The following SH3GLB1 variants were observed in gnomAD, a reference collection of about 807,000 sequenced individuals.
SH3GLB1 encodes SH3 domain containing GRB2 like, endophilin B1.
In SH3GLB1, 17 loss-of-function variants were observed where a neutral mutation model predicts 42.0. The observed-to-expected ratio is 0.40, with a 90% CI of 0.28 to 0.61. The LOEUF (loss-of-function observed/expected upper bound fraction) is 0.61. Among genes scored for constraint, SH3GLB1 ranks in the 20% least tolerant of loss-of-function variants. The probability of loss-of-function intolerance (pLI) is 0.36; values close to 1 mark genes in which losing one functional copy is unlikely to be tolerated. For synonymous variants in SH3GLB1, 132 were observed against 146.6 expected (o/e 0.90, Z 0.72); for missense variants, 355 against 426.3 (o/e 0.83, Z 1.47).
chr1:86,716,110 G>A (rs960935865), intron 2 of SH3GLB1, among the ~76,000 whole-genome samples: 2 of 152,064 alleles, frequency 1.3e-5, no homozygotes, highest in Non-Finnish European at 2.9e-5. Flanking sequence ...TTTAGGCAGT[G>A]ACTTTGAATT....
Position 86,743,294 on chromosome 1 carries a change from T to C in SH3GLB1, c.*59T>C. The C allele has an allele frequency of 1.0e-5, 12 of 1,162,346 alleles. No individual in the cohort carries two copies. In the South Asian group the frequency reaches 2.0e-4, roughly 19 times the overall value. The allele number at this position is 1,162,346 out of a possible 1,614,324, so 72.0% of individuals were successfully genotyped here. A position where few individuals can be genotyped will look rare whatever the true frequency, so the allele number is the denominator to read the frequency against. ...CTTTGTATTTATATACAATTAACTC[T>C]AAATAAAGCAGGTTAAGTATCTTCC... On this transcript the variant is annotated 3_prime_UTR_variant, in exon 9 of 9. Transcript: ENST00000370558.
chr1:86,724,892 A>AAAAAAAATATATATATAT (rs1291454820), intron 5 of SH3GLB1, among the ~76,000 whole-genome samples: 2 of 99,698 alleles, frequency 2.0e-5, no homozygotes, highest in Non-Finnish European at 3.7e-5. Context: ...AAAAAAAAAA[A>AAAAAAAATATATATATAT]ATATATATAT....
intron 1 of SH3GLB1, among the ~76,000 whole-genome samples, 186 bp downstream of exon 1, chr1:86,705,157 T>C (rs1331757676): frequency 6.6e-6 from 1 of 152,072 alleles, no homozygotes; most frequent in African/African-American, 2.4e-5. Context: ...GCCCCGCTCC[T>C]GCCCAACCGC....
At chr1:86,736,978 A>G (rs533684556) in intron 7 of SH3GLB1, among the ~76,000 whole-genome samples, 1 of 152,342 alleles carries the variant, frequency 6.6e-6, no homozygotes, top group Admixed American at 6.5e-5. Context: ...TTGCAATAAC[A>G]GTACCAACAG....
At chr1:86,738,252 GTTTGT>G (rs1553210565) in intron 7 of SH3GLB1, among the ~76,000 whole-genome samples, 62 of 103,196 alleles carry the variant, frequency 6.0e-4, no homozygotes, top group East Asian at 1.7e-3. Flanking sequence ...TTTTTTGTTT[GTTTGT>G]TTTGTTTTGT....
intron 7 of SH3GLB1, 60 bp downstream of exon 7, chr1:86,735,239 T>C: frequency 2.7e-6 from 3 of 1,102,714 alleles, no homozygotes; most frequent in Non-Finnish European, 4.1e-6. Context: ...TATGAACTAA[T>C]ACTAAGGATG....
chr1:86,714,146 C>T (rs181905486), intron 1 of SH3GLB1, among the ~76,000 whole-genome samples: 1 of 152,256 alleles, frequency 6.6e-6, no homozygotes, highest in East Asian at 1.9e-4. Flanking sequence ...AAGGTATTCC[C>T]TTTCTTCCCT....
intron 7 of SH3GLB1, among the ~76,000 whole-genome samples, chr1:86,739,630 G>A (rs1211784816): frequency 3.3e-5 from 5 of 152,152 alleles, no homozygotes; most frequent in Admixed American, 2.0e-4. Flanking sequence ...GGCAGTAGTC[G>A]GAGGAGAAAG....
intron 7 of SH3GLB1, among the ~76,000 whole-genome samples, chr1:86,741,930 G>A (rs959368504): frequency 4.6e-5 from 7 of 151,818 alleles, no homozygotes; most frequent in African/African-American, 1.7e-4. Flanking sequence ...GTTTTTTGGG[G>A]AAAAAAGTAT....
In SH3GLB1 at chr1:86,742,645, A is replaced by G. The variant is rs188194177; in HGVS notation, c.990+209A>G. Reference sequence around the variant, plus strand: ...TAACTGCCAAATAACTTGAAGATGTATAAAACTCCCTCCAATAAGATCCTT... The same window carrying G: ...TAACTGCCAAATAACTTGAAGATGTGTAAAACTCCCTCCAATAAGATCCTT... On this transcript the variant is annotated intron_variant, in intron 8 of 8. Coordinates refer to ENST00000370558, the MANE Select transcript of SH3GLB1 (RefSeq NM_016009.5). Among the ~76,000 whole-genome samples the G allele has an allele frequency of 2.2e-4, 33 of 152,326 alleles. No individual in the cohort carries two copies. In the East Asian group the frequency reaches 5.6e-3, roughly 26 times the overall value.
At chr1:86,727,589 C>T (rs1290607288) in intron 5 of SH3GLB1, among the ~76,000 whole-genome samples, 1 of 152,006 alleles carries the variant, frequency 6.6e-6, no homozygotes, top group African/African-American at 2.4e-5. Flanking sequence ...ATCTGAAACA[C>T]TTCTGGTCCC....
Position 86,743,164 on chromosome 1 carries a change from G to T in SH3GLB1, c.1027G>T (p.Asp343Tyr), listed in dbSNP as rs1358367325. 3.7e-6 allele frequency: 6 copies of T among 1,613,588 alleles called. No individual in the cohort carries two copies. Among genetic ancestry groups the T allele is most frequent in the Non-Finnish European group, 5.1e-6 (6 of 1,179,920 alleles). The part of the protein sequence containing the change: ...TVFSVVGMDS[D>Y]WLMGERGNQK... Reference sequence around the variant, plus strand: ...GTTCAGTGTTGTTGGAATGGATTCAGACTGGCTAATGGGGGAAAGGGGAAA... The same window carrying T: ...GTTCAGTGTTGTTGGAATGGATTCATACTGGCTAATGGGGGAAAGGGGAAA... The change falls in exon 9 of 9, where the codon GAC (aspartate) becomes TAC (tyrosine). Residue 343 changes from aspartate (D) to tyrosine (Y), a missense_variant. By Grantham distance (160) the Asp-to-Tyr change is radical. Transcript: ENST00000370558.
intron 7 of SH3GLB1, among the ~76,000 whole-genome samples, chr1:86,737,282 A>G (rs1655821577): frequency 6.6e-6 from 1 of 152,216 alleles, no homozygotes; most frequent in African/African-American, 2.4e-5. Context: ...AAGTTCTTAG[A>G]AGGTAAAAAT....
At chr1:86,715,948 G>C in intron 2 of SH3GLB1, 83 bp downstream of exon 2, 1 of 1,397,064 alleles carries the variant, frequency 7.2e-7, no homozygotes, top group Non-Finnish European at 9.7e-7. Context: ...ATGGCCATCT[G>C]AAAACATAGG....
rs1656267991 is a variant in SH3GLB1, at chr1:86,745,687, T to G, written c.*2452T>G. The stretch of plus-strand genomic sequence containing the variant: ...TATGCTTGTTCTTAGGTTTATTGCT[T>G]TTTATTTTAATGGGGTTTGGTTGTT... On this transcript the variant is annotated 3_prime_UTR_variant, in exon 9 of 9. Coordinates refer to ENST00000370558, the MANE Select transcript of SH3GLB1 (RefSeq NM_016009.5). The G allele has an allele frequency of 6.6e-6, 1 of 152,214 alleles. No individual in the cohort carries two copies. The highest frequency in any genetic ancestry group is 1.5e-5 in the Non-Finnish European group (1 of 68,038). 9.4% of individuals were successfully genotyped at this position (152,214 alleles called of 1,614,324 possible).
Position 86,722,689 on chromosome 1 carries a change from T to C in SH3GLB1, c.477+16T>C, listed in dbSNP as rs1260664082. On this transcript the variant is annotated intron_variant, in intron 4 of 8. Transcript: ENST00000370558. ...AACAATTGCTGTGAGTTGAAAAATGTCCCCTTTATTTAGTAAAATCATTTA... is the reference window on the plus strand; with the variant it reads ...AACAATTGCTGTGAGTTGAAAAATGCCCCCTTTATTTAGTAAAATCATTTA... 1 of 1,579,240 alleles carries C rather than the reference T, an allele frequency of 6.3e-7. No individual in the cohort carries two copies. Among genetic ancestry groups the C allele is most frequent in the Non-Finnish European group, 8.6e-7 (1 of 1,164,972 alleles).
intron 5 of SH3GLB1, among the ~76,000 whole-genome samples, chr1:86,726,870 T>C (rs1406722991): frequency 2.0e-5 from 3 of 151,962 alleles, no homozygotes; most frequent in Non-Finnish European, 4.4e-5. Context: ...GCTTTTTTTT[T>C]CCTTTCTTTG....
chr1:86,744,176 G>A lies in SH3GLB1; in HGVS notation c.*941G>A, dbSNP rs1162247936. ...ATTGAAAATTTATTAATGAACACAG[G>A]CTATCTTGATGAGGATCTCTGCTTA... On this transcript the variant is annotated 3_prime_UTR_variant, in exon 9 of 9. Transcript: ENST00000370558. 1.3e-5 allele frequency: 2 copies of A among 152,184 alleles called. No individual in the cohort carries two copies. The highest frequency in any genetic ancestry group is 1.3e-4 in the Admixed American group (2 of 15,280). 9.4% of individuals were successfully genotyped at this position (152,184 alleles called of 1,614,324 possible). A position where few individuals can be genotyped will look rare whatever the true frequency, so the allele number is the denominator to read the frequency against.
intron 1 of SH3GLB1, among the ~76,000 whole-genome samples, chr1:86,705,414 C>G (rs1162922184): frequency 1.3e-5 from 2 of 152,162 alleles, no homozygotes; most frequent in Admixed American, 1.3e-4. Flanking sequence ...AGGGAGTTTC[C>G]TTTTCCTGTC....
Sources: gnomAD v4.1 joint callset for allele counts (sites outside exome capture counted in the v4.1 genomes callset) on GRCh38, gnomAD v4.1.1 for gene constraint, MANE v1.5 for transcripts, NCBI Gene and HGNC (gene_info 2026-07-23, HGNC 2026-07-21) for gene names.